The following CDS2 variants were observed in gnomAD, a reference collection of about 807,000 sequenced individuals.
The protein encoded by CDS2 is phosphatidate cytidylyltransferase 2.
In CDS2, 47 loss-of-function variants were observed where a neutral mutation model predicts 59.0. The observed-to-expected ratio is 0.80, with a 90% CI of 0.63 to 1.02. The LOEUF (loss-of-function observed/expected upper bound fraction) is 1.02. Among genes scored for constraint, CDS2 ranks in the 50% least tolerant of loss-of-function variants. CDS2 has a pLI of 0.00. For synonymous variants in CDS2, 207 were observed against 206.4 expected (o/e 1.00, Z -0.02); for missense variants, 356 against 558.9 (o/e 0.64, Z 3.66).
intron 1 of CDS2, among the ~76,000 whole-genome samples, chr20:5,162,200 C>A (rs112399394): frequency 6.2e-4 from 94 of 152,230 alleles, no homozygotes; most frequent in African/African-American, 2.1e-3. Context: ...ATCCCAAAAT[C>A]AAAAATTTGA....
At chr20:5,178,157 T>C (rs1256285966) in intron 4 of CDS2, among the ~76,000 whole-genome samples, 1 of 152,144 alleles carries the variant, frequency 6.6e-6, no homozygotes, top group Non-Finnish European at 1.5e-5. Context: ...GGAGAGAGAA[T>C]ACACAAGTGA....
intron 1 of CDS2, among the ~76,000 whole-genome samples, chr20:5,164,846 C>A (rs2090902048): frequency 6.6e-6 from 1 of 152,162 alleles, no homozygotes; most frequent in Non-Finnish European, 1.5e-5. Context: ...TCCTGGGGAC[C>A]TGAGTGGTTT....
intron 1 of CDS2, among the ~76,000 whole-genome samples, chr20:5,167,663 A>G (rs539382759): frequency 6.6e-6 from 1 of 152,326 alleles, no homozygotes; most frequent in African/African-American, 2.4e-5. Context: ...TTAAGGATAA[A>G]CCCATCTCTG....
rs915067127 is a variant in CDS2 at position 5,196,155 on chromosome 20, A to T, written c.*5921A>T. 1 of 152,102 alleles carries T rather than the reference A, an allele frequency of 6.6e-6. No homozygotes were observed. Among genetic ancestry groups the T allele is most frequent in the Admixed American group, 6.6e-5 (1 of 15,264 alleles). 9.4% of individuals were successfully genotyped at this position (152,102 alleles called of 1,614,324 possible). On this transcript the variant is annotated 3_prime_UTR_variant, in exon 13 of 13. Transcript: ENST00000460006. ...AAATAATGGTCCCTCTGTTTCATTGAATTGCTGAAGTAATGATAATGCCAT... is the reference window on the plus strand; with the variant it reads ...AAATAATGGTCCCTCTGTTTCATTGTATTGCTGAAGTAATGATAATGCCAT...
At chr20:5,154,558 A>G (rs2090817952) in intron 1 of CDS2, among the ~76,000 whole-genome samples, 1 of 148,516 alleles carries the variant, frequency 6.7e-6, no homozygotes, top group South Asian at 2.2e-4. Flanking sequence ...GTTTTTCTTA[A>G]TAGGATGTAG....
Position 5,127,078 on chromosome 20 carries a change from G to A in CDS2, c.-15G>A. 2.7e-6 allele frequency: 4 copies of A among 1,491,626 alleles called. No homozygotes were observed. Among genetic ancestry groups the A allele is most frequent in the Non-Finnish European group, 3.6e-6 (4 of 1,120,182 alleles). 92.4% of individuals were successfully genotyped at this position (1,491,626 alleles called of 1,614,324 possible). A position where few individuals can be genotyped will look rare whatever the true frequency, so the allele number is the denominator to read the frequency against. Reference sequence around the variant, plus strand: ...CGCTGCTAGCTCGCGGCGACGTCGGGCCGATTTTCCCAGGATGACAGAGCT... The same window carrying A: ...CGCTGCTAGCTCGCGGCGACGTCGGACCGATTTTCCCAGGATGACAGAGCT... On this transcript the variant is annotated 5_prime_UTR_variant, in exon 1 of 13. Transcript: ENST00000460006.
intron 4 of CDS2, 142 bp downstream of exon 4, chr20:5,176,887 G>T: frequency 1.5e-6 from 1 of 650,706 alleles, no homozygotes; most frequent in Non-Finnish European, 2.8e-6. Context: ...GTCATACAAA[G>T]TTTCATGAAG....
chr20:5,192,561 G>A lies in CDS2; in HGVS notation c.*2327G>A, dbSNP rs1232862513. ...TTTCCTATTCACAGACAAGATTCAAGAAACCATTTTTACGTGTGTACATTC... is the reference window on the plus strand; with the variant it reads ...TTTCCTATTCACAGACAAGATTCAAAAAACCATTTTTACGTGTGTACATTC... On this transcript the variant is annotated 3_prime_UTR_variant, in exon 13 of 13. Transcript: ENST00000460006. The A allele has an allele frequency of 6.6e-6, 1 of 152,172 alleles. No individual in the cohort carries two copies. Among genetic ancestry groups the A allele is most frequent in the African/African-American group, 2.4e-5 (1 of 41,426 alleles). The allele number at this position is 152,172 out of a possible 1,614,324, so 9.4% of individuals were successfully genotyped here. A position where few individuals can be genotyped will look rare whatever the true frequency, so the allele number is the denominator to read the frequency against.
chr20:5,138,835 CACT>C (rs2090669550), intron 1 of CDS2, among the ~76,000 whole-genome samples: 1 of 151,932 alleles, frequency 6.6e-6, no homozygotes, highest in Non-Finnish European at 1.5e-5. Context: ...CGCACCACTG[CACT>C]GCAGTATGGT....
At position 5,144,846 on chromosome 20, in the gene CDS2, C is replaced by A. The variant is rs527987875; in HGVS notation, c.57+17697C>A. On this transcript the variant is annotated intron_variant, in intron 1 of 12. Coordinates refer to ENST00000460006, the MANE Select transcript of CDS2 (RefSeq NM_003818.4). Reference sequence around the variant, plus strand: ...CTGTGTTGGCTTGATCCGGTCCTTTCCCCTCTGGCTTGCAGAACATAACAC... The same window carrying A: ...CTGTGTTGGCTTGATCCGGTCCTTTACCCTCTGGCTTGCAGAACATAACAC... Among the ~76,000 whole-genome samples the A allele has an allele frequency of 1.5e-3, 223 of 152,244 alleles. 1 individual carries two copies. Among genetic ancestry groups the A allele is most frequent in the South Asian group, 1.2e-3 (6 of 4,824 alleles).
At chr20:5,186,093 T>G (rs1269613721) in intron 9 of CDS2, among the ~76,000 whole-genome samples, 1 of 152,214 alleles carries the variant, frequency 6.6e-6, no homozygotes, top group East Asian at 1.9e-4. Context: ...CATTTGATGT[T>G]CCAAGGTCAG....
At chr20:5,172,967 G>T (rs939867259) in intron 1 of CDS2, among the ~76,000 whole-genome samples, 2 of 152,218 alleles carry the variant, frequency 1.3e-5, no homozygotes, top group African/African-American at 4.8e-5. Context: ...AGGTGCACCA[G>T]TCCTGGCTCG....
At chr20:5,151,603 A>G (rs1480458441) in intron 1 of CDS2, among the ~76,000 whole-genome samples, 5 of 151,946 alleles carry the variant, frequency 3.3e-5, no homozygotes, top group Non-Finnish European at 5.9e-5. Flanking sequence ...CTTAAAAAAA[A>G]AATAAATAAA....
chr20:5,156,457 A>T (rs931706867), intron 1 of CDS2, among the ~76,000 whole-genome samples: 3 of 152,122 alleles, frequency 2.0e-5, no homozygotes, highest in Non-Finnish European at 2.9e-5. Flanking sequence ...AACTCGTGTT[A>T]TGGGAGCTGG....
At position 5,184,573 on chromosome 20, in the gene CDS2, CATT is replaced by C. The variant is rs1248481387; in HGVS notation, c.672-284_672-282del. Among the ~76,000 whole-genome samples the C allele has an allele frequency of 6.6e-6, 1 of 152,128 alleles. No homozygotes were observed. The highest frequency in any genetic ancestry group is 1.9e-4 in the East Asian group (1 of 5,190). On this transcript the variant is annotated intron_variant, in intron 7 of 12. Coordinates refer to ENST00000460006, the MANE Select transcript of CDS2 (RefSeq NM_003818.4). This position sits in a 1 kb window ranked among gnomAD's most constrained non-coding sequence, Gnocchi z 4.3. ...GTTCCTTTTACAATTAAATTTCTCT[CATT>C]GTTTACGTATATTTCTTTATCATGA...
At chr20:5,173,919 C>T (rs2090975317) in intron 2 of CDS2, among the ~76,000 whole-genome samples, 1 of 152,158 alleles carries the variant, frequency 6.6e-6, no homozygotes, top group Non-Finnish European at 1.5e-5. Context: ...CTAGGAAGTG[C>T]AGTTCAAAGA....
intron 4 of CDS2, among the ~76,000 whole-genome samples, chr20:5,178,484 G>C (rs1015666428): frequency 1.3e-5 from 2 of 152,156 alleles, no homozygotes; most frequent in Non-Finnish European, 1.5e-5. Context: ...ACGAGACTGG[G>C]GAAGCAGGAT....
chr20:5,133,341 T>C (rs2090623184), intron 1 of CDS2, among the ~76,000 whole-genome samples: 3 of 151,946 alleles, frequency 2.0e-5, no homozygotes, highest in African/African-American at 7.3e-5. Context: ...AGCTTTAAAC[T>C]CCTGAGCTCA....
chr20:5,182,272 A>G (rs896030308), intron 5 of CDS2, 115 bp from the exon 6 acceptor site: 170 of 783,646 alleles, frequency 2.2e-4, no homozygotes, highest in Non-Finnish European at 5.2e-5. Flanking sequence ...GACATTGTGC[A>G]CTGGTTAGCT....
Sources: gnomAD v4.1 joint callset for allele counts (sites outside exome capture counted in the v4.1 genomes callset) on GRCh38, gnomAD v4.1.1 for gene constraint, Gnocchi (gnomAD v3.1) non-coding constraint, MANE v1.5 for transcripts, NCBI Gene and HGNC (gene_info 2026-07-23, HGNC 2026-07-21) for gene names.